The following CPXM2 variants were observed in gnomAD, a reference collection of about 807,000 sequenced individuals.
CPXM2 encodes the protein inactive carboxypeptidase-like protein X2.
A neutral mutation model predicts 86.1 loss-of-function variants in CPXM2; 66 were observed. The ratio of observed to expected loss-of-function variants is 0.77; its 90% CI spans 0.63 to 0.94. CPXM2 has a LOEUF of 0.94. CPXM2 is among the 40% of genes least tolerant of loss of function. The pLI is 0.00. For synonymous variants in CPXM2, 388 were observed against 400.2 expected, an observed-to-expected ratio of 0.97 and a Z score of 0.36; for missense variants, 948 against 1,026.3, an observed-to-expected ratio of 0.92 and a Z score of 1.04.
At chr10:123,837,508 C>G (rs1848304256) in intron 4 of CPXM2, among the ~76,000 whole-genome samples, 1 of 152,206 alleles carries the variant, frequency 6.6e-6, no homozygotes. Flanking sequence ...CTATTCACCT[C>G]AAGCAGAATA....
chr10:123,788,372 T>G (rs1847120810), intron 6 of CPXM2, among the ~76,000 whole-genome samples: 1 of 151,986 alleles, frequency 6.6e-6, no homozygotes, highest in Non-Finnish European at 1.5e-5. Flanking sequence ...CAAGTTCTTT[T>G]AACTATCTGC....
intron 1 of CPXM2, among the ~76,000 whole-genome samples, chr10:123,882,002 T>G (rs1288147461): frequency 6.6e-6 from 1 of 152,216 alleles, no homozygotes; most frequent in South Asian, 2.1e-4. Context: ...AAACTTAGCT[T>G]GAACTTTAAA....
chr10:123,773,235 T>TTCCCTGGTTGTGGTTATCACC (rs1196948796), intron 7 of CPXM2, among the ~76,000 whole-genome samples: 2 of 127,568 alleles, frequency 1.6e-5, no homozygotes, highest in Non-Finnish European at 3.6e-5. Flanking sequence ...TGGTTATCAC[T>TTCCCTGGTTGTGGTTATCACC]TCCCTGGTTG....
At chr10:123,783,811 C>A (rs1026136643) in intron 6 of CPXM2, among the ~76,000 whole-genome samples, 4 of 152,196 alleles carry the variant, frequency 2.6e-5, no homozygotes, top group Non-Finnish European at 5.9e-5. Context: ...TTTATCCTTA[C>A]AGAGGGAGCT....
At chr10:123,925,536 C>T (rs1945615472) in intron 2 of CPXM2, among the ~76,000 whole-genome samples, 3 of 152,116 alleles carry the variant, frequency 2.0e-5, no homozygotes, top group Admixed American at 6.5e-5. Flanking sequence ...TTTTAAAACA[C>T]CTTAATTTGT....
At chr10:123,856,309 A>G (rs1270162785) in intron 3 of CPXM2, among the ~76,000 whole-genome samples, 2 of 152,244 alleles carry the variant, frequency 1.3e-5, no homozygotes, top group Non-Finnish European at 2.9e-5. Context: ...GCCCTCTGAC[A>G]CGGCAGTGCT....
Position 123,891,269 on chromosome 10 carries a change from C to A in CPXM2, c.304+87G>T. Reference sequence around the variant, plus strand: ...ATTCCCGGGACTGGCCCATCCCAGACACACACAATGGGAGAAGCCAGTTGT... The same window carrying A: ...ATTCCCGGGACTGGCCCATCCCAGAAACACACAATGGGAGAAGCCAGTTGT... On this transcript the variant is annotated intron_variant, in intron 1 of 13. Transcript: ENST00000241305. The surrounding 1 kb of genome is among the most constrained non-coding windows in gnomAD (Gnocchi z 5.6). 8.8e-7 allele frequency: 1 copy of A among 1,140,694 alleles called. No individual in the cohort carries two copies. The highest frequency in any genetic ancestry group is 3.0e-5 in the Admixed American group (1 of 33,618). 70.7% of individuals were successfully genotyped at this position (1,140,694 alleles called of 1,614,324 possible).
Position 123,885,519 on chromosome 10 carries a change from T to G in CPXM2, c.305-5210A>C, listed in dbSNP as rs2134241405. 6.6e-6 allele frequency among the ~76,000 whole-genome samples: 1 copy of G among 152,336 alleles called. No individual in the cohort carries two copies. Among genetic ancestry groups the G allele is most frequent in the Non-Finnish European group, 1.5e-5 (1 of 68,028 alleles). On this transcript the variant is annotated intron_variant, in intron 1 of 13. Coordinates refer to ENST00000241305, the MANE Select transcript of CPXM2 (RefSeq NM_198148.3). The surrounding 1 kb of genome is among the most constrained non-coding windows in gnomAD (Gnocchi z 4.0). ...AGGCATTCCATACAAATCTGTGACA[T>G]CAGGGGCTTAAATTAACATGTGAAG...
chr10:123,932,628 CA>C (rs1287543397), intron 2 of CPXM2, among the ~76,000 whole-genome samples: 2 of 152,220 alleles, frequency 1.3e-5, no homozygotes, highest in Non-Finnish European at 2.9e-5. Context: ...ACTCACTCAA[CA>C]GCATCTACTT....
In CPXM2 at chr10:123,891,668, C is replaced by T. The variant is rs1353287643; in HGVS notation, c.-9G>A. On this transcript the variant is annotated 5_prime_UTR_variant, in exon 1 of 14. Coordinates refer to ENST00000241305, the MANE Select transcript of CPXM2 (RefSeq NM_198148.3). The surrounding 1 kb of genome is among the most constrained non-coding windows in gnomAD (Gnocchi z 5.6). Reference sequence around the variant, plus strand: ...GTCCCCGGGCGGGACATGCCTGCTCCGCCCCGCGCCCAGGGCAGGGTCACG... The same window carrying T: ...GTCCCCGGGCGGGACATGCCTGCTCTGCCCCGCGCCCAGGGCAGGGTCACG... The T allele has an allele frequency of 2.9e-6, 4 of 1,379,606 alleles. No homozygotes were observed. The South Asian group carries it at 5.1e-5, about 18-fold the overall frequency. The allele number at this position is 1,379,606 out of a possible 1,614,324, so 85.5% of individuals were successfully genotyped here. A position where few individuals can be genotyped will look rare whatever the true frequency, so the allele number is the denominator to read the frequency against.
At chr10:123,929,358 A>C (rs1945648057) in intron 2 of CPXM2, among the ~76,000 whole-genome samples, 1 of 152,150 alleles carries the variant, frequency 6.6e-6, no homozygotes, top group Non-Finnish European at 1.5e-5. Flanking sequence ...AATGAGGCTG[A>C]CTCAGCTTCT....
intron 4 of CPXM2, among the ~76,000 whole-genome samples, chr10:123,826,734 G>A (rs369096345): frequency 6.6e-6 from 1 of 152,080 alleles, no homozygotes; most frequent in Admixed American, 6.5e-5. Flanking sequence ...AGTTGAAATC[G>A]ACTTACGGAC....
intron 4 of CPXM2, among the ~76,000 whole-genome samples, chr10:123,831,879 A>T (rs1848171817): frequency 6.6e-6 from 1 of 150,900 alleles, no homozygotes; most frequent in African/African-American, 2.4e-5. Flanking sequence ...ATTCTTTGCC[A>T]TGTAACCAAC....
At chr10:123,808,884 C>T (rs968022807) in intron 4 of CPXM2, among the ~76,000 whole-genome samples, 2 of 152,168 alleles carry the variant, frequency 1.3e-5, no homozygotes, top group African/African-American at 4.8e-5. Flanking sequence ...CCTTTGGAAG[C>T]ACTTCACAAA....
At chr10:123,755,277 TG>T (rs1846178780) in intron 12 of CPXM2, among the ~76,000 whole-genome samples, 1 of 152,124 alleles carries the variant, frequency 6.6e-6, no homozygotes, top group South Asian at 2.1e-4. Flanking sequence ...GAATGTCTGC[TG>T]AGGGGGAAGT....
At chr10:123,838,933 C>A (rs1286982252) in intron 4 of CPXM2, among the ~76,000 whole-genome samples, 1 of 152,182 alleles carries the variant, frequency 6.6e-6, no homozygotes, top group Admixed American at 6.5e-5. Flanking sequence ...GAGGGGAGGA[C>A]CAGGCAGGCG....
intron 1 of CPXM2, among the ~76,000 whole-genome samples, chr10:123,880,828 C>CAAAAA (rs71484548): frequency 0.077 from 4,121 of 53,772 alleles, 494 homozygotes; most frequent in East Asian, 0.11. Flanking sequence ...GATTCCGTCT[C>CAAAAA]AAAAAAAAAA....
At chr10:123,856,399 A>C (rs1419121839) in intron 3 of CPXM2, among the ~76,000 whole-genome samples, 1 of 152,216 alleles carries the variant, frequency 6.6e-6, no homozygotes, top group Non-Finnish European at 1.5e-5. Context: ...TCACTTCAGC[A>C]GGGCTGCTGT....
intron 2 of CPXM2, among the ~76,000 whole-genome samples, chr10:123,924,506 A>G (rs75510180): frequency 0.046 from 7,066 of 152,306 alleles, 252 homozygotes; most frequent in African/African-American, 0.1. Flanking sequence ...GGCACACAGG[A>G]TGAGGATTGA....
Sources: gnomAD v4.1 joint callset for allele counts (sites outside exome capture counted in the v4.1 genomes callset) on GRCh38, gnomAD v4.1.1 for gene constraint, Gnocchi (gnomAD v3.1) non-coding constraint, MANE v1.5 for transcripts, NCBI Gene and HGNC (gene_info 2026-07-23, HGNC 2026-07-21) for gene names.